The following RNF130 variants were observed in gnomAD, a reference collection of about 807,000 sequenced individuals.
RNF130 encodes E3 ubiquitin-protein ligase RNF130.
In RNF130, 21 loss-of-function variants were observed where a neutral mutation model predicts 44.6. That is an observed-to-expected ratio of 0.47 (90% CI 0.33 to 0.68). The LOEUF is 0.68. Ranked by LOEUF, RNF130 falls within the 30% of genes least tolerant of loss-of-function variation. The probability of loss-of-function intolerance (pLI) is 0.02; values close to 1 mark genes in which losing one functional copy is unlikely to be tolerated. For synonymous variants in RNF130, 214 were observed against 210.4 expected, an observed-to-expected ratio of 1.02 and a Z score of -0.15; for missense variants, 479 against 560.6, an observed-to-expected ratio of 0.85 and a Z score of 1.47.
chr5:179,933,821 A>C, intron 7 of RNF130: 2 of 756,438 alleles, frequency 2.6e-6, no homozygotes, highest in Non-Finnish European at 4.5e-6. Context: ...AAAGAATCCC[A>C]GGATTTTCCC....
At chr5:179,950,948 A>G (rs1242277475), downstream of RNF130, among the ~76,000 whole-genome samples, 1 of 152,224 alleles carries the variant, frequency 6.6e-6, no homozygotes, top group Non-Finnish European at 1.5e-5. Context: ...GGGAGGAACT[A>G]TACCATGAAT....
chr5:179,992,854 CCT>C (rs1197452204), intron 3 of RNF130, among the ~76,000 whole-genome samples: 1 of 152,164 alleles, frequency 6.6e-6, no homozygotes. Flanking sequence ...AGGTATATCT[CCT>C]AATGCTATCC....
exon 8 of RNF130, chr5:179,918,317 C>T (rs145701135): frequency 1.3e-5 from 2 of 152,300 alleles, no homozygotes; most frequent in Non-Finnish European, 2.9e-5. Context: ...CTTCTTCTCA[C>T]GTAATTTCAT....
chr5:179,918,621 T>C (rs757732616), exon 8 of RNF130: 8 of 152,220 alleles, frequency 5.3e-5, no homozygotes, highest in Non-Finnish European at 8.8e-5. Flanking sequence ...AACGATGCTA[T>C]ATTGAAGCTG....
chr5:180,065,009 G>C (rs1273390827), intron 1 of RNF130, among the ~76,000 whole-genome samples: 1 of 152,052 alleles, frequency 6.6e-6, no homozygotes, highest in Non-Finnish European at 1.5e-5. Flanking sequence ...CTTGGTCCTA[G>C]AGTGCCTCTT....
At chr5:180,050,896 T>C (rs1284324778) in intron 1 of RNF130, among the ~76,000 whole-genome samples, 1 of 152,130 alleles carries the variant, frequency 6.6e-6, no homozygotes, top group East Asian at 1.9e-4. Flanking sequence ...CTCAACTTCC[T>C]GGGCTCAAGT....
At chr5:179,923,898 C>G (rs1327311568) in intron 7 of RNF130, among the ~76,000 whole-genome samples, 1 of 152,170 alleles carries the variant, frequency 6.6e-6, no homozygotes, top group Non-Finnish European at 1.5e-5. Context: ...TAGAAATTCT[C>G]GAACTTGATG....
At chr5:180,036,029 C>T (rs1307651270) in intron 2 of RNF130, among the ~76,000 whole-genome samples, 2 of 152,170 alleles carry the variant, frequency 1.3e-5, no homozygotes, top group Non-Finnish European at 1.5e-5. Context: ...CACTTATAGA[C>T]AGTTTCTATA....
At chr5:179,972,090 A>G (rs551308104) in intron 5 of RNF130, among the ~76,000 whole-genome samples, 1 of 152,192 alleles carries the variant, frequency 6.6e-6, no homozygotes, top group Non-Finnish European at 1.5e-5. Context: ...TACATTCAGT[A>G]CACCTAAGGC....
chr5:180,070,635 C>A (rs1444447400), intron 1 of RNF130, among the ~76,000 whole-genome samples: 1 of 152,142 alleles, frequency 6.6e-6, no homozygotes, highest in Non-Finnish European at 1.5e-5. Flanking sequence ...AAAAGTTCAG[C>A]GTGGGCCAAA....
intron 5 of RNF130, among the ~76,000 whole-genome samples, chr5:179,972,915 C>T (rs1762618036): frequency 6.6e-6 from 1 of 152,166 alleles, no homozygotes; most frequent in East Asian, 1.9e-4. Flanking sequence ...GTGCCCACCC[C>T]TCTGTTTTAC....
At chr5:179,948,805 T>C (rs752233035) in intron 7 of RNF130, among the ~76,000 whole-genome samples, 3 of 152,170 alleles carry the variant, frequency 2.0e-5, no homozygotes, top group Non-Finnish European at 2.9e-5. Flanking sequence ...AGTGACAACC[T>C]AGCTAGCCAA....
At chr5:179,992,602 T>C (rs1763110887) in intron 3 of RNF130, among the ~76,000 whole-genome samples, 1 of 152,074 alleles carries the variant, frequency 6.6e-6, no homozygotes, top group Non-Finnish European at 1.5e-5. Flanking sequence ...TTTGGGGGGG[T>C]GTCATATTAT....
chr5:180,040,789 C>T, intron 1 of RNF130, 142 bp from the exon 2 acceptor site: 1 of 666,158 alleles, frequency 1.5e-6, no homozygotes, highest in Non-Finnish European at 2.5e-6. Context: ...AATACATCCA[C>T]AAACAATACA....
chr5:180,013,175 G>A lies in RNF130; in HGVS notation c.579C>T (p.Gly193=). ...AGGATATTGACACGAAGACTAGAGA[G>A]CCACGGCTGAAGTTCTTCGGTGGCA... ...TRMPPKNFSR[G]SLVFVSISFI... Residue 193 remains glycine, a synonymous_variant, in exon 3 of 9, where the codon GGC becomes GGT. Transcript: ENST00000521389. The A allele has an allele frequency of 6.2e-7, 1 of 1,614,086 alleles. No individual in the cohort carries two copies.
intron 7 of RNF130, among the ~76,000 whole-genome samples, chr5:179,936,919 C>T (rs903949175): frequency 3.3e-5 from 5 of 152,102 alleles, no homozygotes; most frequent in Non-Finnish European, 5.9e-5. Context: ...AAAAAAATGG[C>T]GTTGGACCCT....
intron 5 of RNF130, among the ~76,000 whole-genome samples, chr5:179,973,437 AC>A (rs1762633080): frequency 6.6e-6 from 1 of 152,202 alleles, no homozygotes; most frequent in Non-Finnish European, 1.5e-5. Flanking sequence ...TTCTGCTACA[AC>A]AGTCTGGTGC....
intron 6 of RNF130, among the ~76,000 whole-genome samples, chr5:179,967,796 C>T (rs562726444): frequency 2.0e-5 from 3 of 152,322 alleles, no homozygotes; most frequent in African/African-American, 7.2e-5. Context: ...GAACTAATGG[C>T]TTCCTGGGCA....
chr5:179,934,280 G>C, intron 7 of RNF130: 1 of 155,386 alleles, frequency 6.4e-6, no homozygotes, highest in Admixed American at 6.4e-5. Context: ...TTACATTATT[G>C]TGAAATGCAT....
Sources: allele counts gnomAD v4.1 joint callset (sites outside exome capture counted in the v4.1 genomes callset), GRCh38; gene constraint gnomAD v4.1.1; transcripts MANE v1.5; gene names NCBI Gene and HGNC (gene_info 2026-07-23, HGNC 2026-07-21).